The following KBTBD12 variants were observed in gnomAD, a reference collection of about 807,000 sequenced individuals.
KBTBD12 encodes the protein kelch repeat and BTB domain containing 12.
KBTBD12 carries 53 observed loss-of-function variants against 58.7 expected under a neutral mutation model. The observed-to-expected ratio is 0.90, with a 90% confidence interval of 0.72 to 1.14. KBTBD12 has a LOEUF of 1.14. Ranked by LOEUF, KBTBD12 falls within the 50% of genes most tolerant of loss-of-function variation. The pLI, the probability that KBTBD12 is intolerant of heterozygous loss-of-function variation, is 0.00. For synonymous variants in KBTBD12, 236 were observed against 259.8 expected (o/e 0.91, Z 0.88); for missense variants, 704 against 751.3 (o/e 0.94, Z 0.74).
intron 1 of KBTBD12, 72 bp downstream of exon 1, chr3:127,915,658 G>A (rs1349153739): frequency 6.6e-6 from 1 of 152,244 alleles, no homozygotes; most frequent in African/African-American, 2.4e-5. Flanking sequence ...GGGCCAGGTT[G>A]AACCTGGGCG....
chr3:127,974,999 C>T lies in KBTBD12; in HGVS notation c.1691-9098C>T, dbSNP rs368844749. Among the ~76,000 whole-genome samples, 54 of 152,272 alleles carry T rather than the reference C, an allele frequency of 3.5e-4. 2 individuals are homozygous for T. Among genetic ancestry groups the T allele is most frequent in the East Asian group, 3.5e-3 (18 of 5,176 alleles). On this transcript the variant is annotated intron_variant, in intron 5 of 5. Coordinates refer to ENST00000405109, the MANE Select transcript of KBTBD12 (RefSeq NM_207335.4). Reference sequence around the variant, plus strand: ...AAATAAATAAATAAATAAATCATCTCTGTTAGTTTGAGTTCCCCCAAAGCA... The same window carrying T: ...AAATAAATAAATAAATAAATCATCTTTGTTAGTTTGAGTTCCCCCAAAGCA...
chr3:127,923,323 T>G lies in KBTBD12; in HGVS notation c.262T>G (p.Tyr88Asp), dbSNP rs781602623. The change falls in exon 2 of 6, where the codon TAC (tyrosine) becomes GAC (aspartate). Residue 88 changes from tyrosine (Y) to aspartate (D), a missense_variant. Coordinates refer to ENST00000405109, the MANE Select transcript of KBTBD12 (RefSeq NM_207335.4). ...AGAAAGTGTGTCGGTGTTATTAAAT[T>G]ACATGTACAATGCAGCTTTGGAGAT... ...TAESVSVLLN[Y>D]MYNAALEINN... 1 of 1,613,852 alleles carries G rather than the reference T, an allele frequency of 6.2e-7. No individual in the cohort carries two copies. The highest frequency in any genetic ancestry group is 1.1e-5 in the South Asian group (1 of 91,072).
intron 4 of KBTBD12, among the ~76,000 whole-genome samples, chr3:127,947,323 A>G (rs1348397943): frequency 6.6e-6 from 1 of 152,038 alleles, no homozygotes; most frequent in Non-Finnish European, 1.5e-5. Context: ...TGCAGCCTTA[A>G]TAAGTCTCAG....
At chr3:127,963,119 A>AG (rs1404878742) in intron 4 of KBTBD12, 70 bp from the exon 5 acceptor site, 1 of 1,303,604 alleles carries the variant, frequency 7.7e-7, no homozygotes, top group Non-Finnish European at 1.0e-6. Context: ...CAAACCATGC[A>AG]GGGGGCAGTG....
intron 4 of KBTBD12, among the ~76,000 whole-genome samples, chr3:127,937,018 T>C (rs149042507): frequency 1.7e-3 from 252 of 152,268 alleles, no homozygotes; most frequent in Non-Finnish European, 3.0e-3. Context: ...TGTGGTCAGG[T>C]ACCTGGAAAA....
intron 4 of KBTBD12, among the ~76,000 whole-genome samples, chr3:127,950,206 G>T (rs565294770): frequency 1.3e-5 from 2 of 152,290 alleles, no homozygotes; most frequent in African/African-American, 4.8e-5. Flanking sequence ...TACAAAAGAT[G>T]TAAAGGGAGG....
Position 127,984,343 on chromosome 3 carries a change from C to T in KBTBD12, c.*65C>T. Reference sequence around the variant, plus strand: ...AGGCCTTCAGAACGGAGAGGGCCCACAGCATCTCTGTCATGCCAGTCATGT... The same window carrying T: ...AGGCCTTCAGAACGGAGAGGGCCCATAGCATCTCTGTCATGCCAGTCATGT... On this transcript the variant is annotated 3_prime_UTR_variant, in exon 6 of 6. Transcript: ENST00000405109. 2.1e-6 allele frequency: 3 copies of T among 1,423,808 alleles called. No homozygotes were observed. The highest frequency in any genetic ancestry group is 2.9e-6 in the Non-Finnish European group (3 of 1,026,804). 88.2% of individuals were successfully genotyped at this position (1,423,808 alleles called of 1,614,324 possible).
intron 4 of KBTBD12, among the ~76,000 whole-genome samples, chr3:127,953,702 C>G (rs1576385477): frequency 1.3e-5 from 2 of 152,330 alleles, no homozygotes; most frequent in Non-Finnish European, 2.9e-5. Context: ...TTATGGCAAA[C>G]TAGCCAAGGG....
At position 127,927,746 on chromosome 3, in the gene KBTBD12, T is replaced by C. The variant is rs1939609386; in HGVS notation, c.1071-18T>C. ...TCATGTTACCTCTAATCCTGGATAC[T>C]CTCTCTCTCTTTTGCAGGTATCATG... On this transcript the variant is annotated intron_variant, in intron 2 of 5. Transcript: ENST00000405109. 1 of 1,339,658 alleles carries C rather than the reference T, an allele frequency of 7.5e-7. No individual in the cohort carries two copies. The allele number at this position is 1,339,658 out of a possible 1,614,324, so 83.0% of individuals were successfully genotyped here. A position where few individuals can be genotyped will look rare whatever the true frequency, so the allele number is the denominator to read the frequency against.
At chr3:127,980,711 C>T (rs1940859044) in intron 5 of KBTBD12, among the ~76,000 whole-genome samples, 1 of 152,180 alleles carries the variant, frequency 6.6e-6, no homozygotes, top group East Asian at 1.9e-4. Context: ...TACTCTGAGT[C>T]AGCCATTGGG....
chr3:127,947,093 G>T (rs953077648), intron 4 of KBTBD12, among the ~76,000 whole-genome samples: 2 of 151,872 alleles, frequency 1.3e-5, no homozygotes, highest in Admixed American at 6.6e-5. Context: ...TATTTGGATA[G>T]TTCACAAGTC....
chr3:127,958,547 G>A (rs1940365152), intron 4 of KBTBD12, among the ~76,000 whole-genome samples: 1 of 152,174 alleles, frequency 6.6e-6, no homozygotes, highest in Non-Finnish European at 1.5e-5. Flanking sequence ...TATCACTCAG[G>A]ATCAGATGGG....
chr3:127,981,505 G>T (rs975817460), intron 5 of KBTBD12, among the ~76,000 whole-genome samples: 24 of 152,188 alleles, frequency 1.6e-4, no homozygotes. Flanking sequence ...TGGTTAGTGG[G>T]TGCAAGTATA....
chr3:127,940,037 T>C (rs1939917638), intron 4 of KBTBD12, among the ~76,000 whole-genome samples: 1 of 152,084 alleles, frequency 6.6e-6, no homozygotes, highest in Admixed American at 6.5e-5. Context: ...AATGATAAAA[T>C]AATTGATTCA....
At chr3:127,960,341 C>T (rs937814563) in intron 4 of KBTBD12, among the ~76,000 whole-genome samples, 4 of 152,258 alleles carry the variant, frequency 2.6e-5, no homozygotes, top group South Asian at 2.1e-4. Flanking sequence ...CTTTCCACTA[C>T]GCACACACCA....
intron 4 of KBTBD12, among the ~76,000 whole-genome samples, chr3:127,959,480 G>A (rs1390045234): frequency 6.6e-6 from 1 of 152,176 alleles, no homozygotes; most frequent in Non-Finnish European, 1.5e-5. Context: ...CATACAGTTA[G>A]TAAACCATCA....
intron 5 of KBTBD12, among the ~76,000 whole-genome samples, chr3:127,963,911 C>T (rs1940506612): frequency 6.6e-6 from 1 of 152,152 alleles, no homozygotes; most frequent in African/African-American, 2.4e-5. Flanking sequence ...CTCTCTTATT[C>T]CTACCCCATG....
In KBTBD12 at chr3:127,983,449, G is replaced by A. The variant is rs1323877657; in HGVS notation, c.1691-648G>A. ...TAAGAATGGATTAGTTCCTGGGAAA[G>A]GGGGCTGTTAAAAATAGTCTGGCAA... On this transcript the variant is annotated intron_variant, in intron 5 of 5. Transcript: ENST00000405109. Among the ~76,000 whole-genome samples, 5 of 152,146 alleles carry A rather than the reference G, an allele frequency of 3.3e-5. No homozygotes were observed. The East Asian group carries it at 7.7e-4, about 23-fold the overall frequency.
chr3:127,928,134 T>TA (rs1425391710), intron 3 of KBTBD12, 100 bp downstream of exon 3: 2 of 1,017,036 alleles, frequency 2.0e-6, no homozygotes, highest in Admixed American at 4.6e-5. Context: ...GAGTGTGACT[T>TA]ACATTTTGGT....
Sources: gnomAD v4.1 joint callset for allele counts (sites outside exome capture counted in the v4.1 genomes callset) on GRCh38, gnomAD v4.1.1 for gene constraint, MANE v1.5 for transcripts, NCBI Gene and HGNC (gene_info 2026-07-23, HGNC 2026-07-21) for gene names.